The following SACS variants were observed in gnomAD, a reference collection of about 807,000 sequenced individuals.
SACS encodes sacsin molecular chaperone.
In SACS, 197 loss-of-function variants were observed where a neutral mutation model predicts 348.0. That is an observed-to-expected ratio of 0.57 (90% CI 0.50 to 0.64). SACS has a LOEUF of 0.64. Among genes scored for constraint, SACS ranks in the 30% least tolerant of loss-of-function variants. The pLI, the probability that SACS is intolerant of heterozygous loss-of-function variation, is 0.00. For missense variants in SACS, 4,999 were observed against 5,360.8 expected, an observed-to-expected ratio of 0.93 and a Z score of 2.11; for synonymous variants, 1,985 against 1,910.6, an observed-to-expected ratio of 1.04 and a Z score of -1.02.
intron 2 of SACS, among the ~76,000 whole-genome samples, chr13:23,396,260 G>C (rs973865056): frequency 6.6e-6 from 1 of 151,124 alleles, no homozygotes; most frequent in African/African-American, 2.4e-5. Context: ...GGAGGCAGAG[G>C]TTGCAGTGAG....
chr13:23,338,756 A>G lies in SACS; in HGVS notation c.5120T>C (p.Leu1707Ser). ...YLKIEETNPS[L>S]AQDTVIIKKK... Reference sequence around the variant, plus strand: ...TTTAATTATTACTGTATCTTGTGCTAAACTGGGGTTGGTTTCCTCAATTTT... The same window carrying G: ...TTTAATTATTACTGTATCTTGTGCTGAACTGGGGTTGGTTTCCTCAATTTT... The change falls in exon 10 of 10, where the codon TTA becomes TCA. Residue 1707 changes from leucine (L) to serine (S), a missense_variant. Around this residue, in one of 6 missense-constraint regions of SACS, gnomAD observed 3,156 missense variants for 3,380.1 expected, o/e 0.93. Transcript: ENST00000382292. 1.2e-6 allele frequency: 2 copies of G among 1,611,304 alleles called. No individual in the cohort carries two copies. The highest frequency in any genetic ancestry group is 1.7e-6 in the Non-Finnish European group (2 of 1,179,212).
intron 6 of SACS, among the ~76,000 whole-genome samples, chr13:23,362,040 T>A (rs776247857): frequency 6.6e-6 from 1 of 152,228 alleles, no homozygotes; most frequent in Non-Finnish European, 1.5e-5. Flanking sequence ...GGAAATAAGC[T>A]TGGAATTTAT....
At position 23,331,402 on chromosome 13, in the gene SACS, T is replaced by C. The variant is rs767116262; in HGVS notation, c.12474A>G (p.Thr4158=). 6 of 1,614,076 alleles carry C rather than the reference T, an allele frequency of 3.7e-6. No individual in the cohort carries two copies. The highest frequency in any genetic ancestry group is 1.1e-5 in the South Asian group (1 of 91,076). Residue 4158 remains threonine, a synonymous_variant, in exon 10 of 10, where the codon ACA becomes ACG. Coordinates refer to ENST00000382292, the MANE Select transcript of SACS (RefSeq NM_014363.6). ...TGTAATGAATTTCAGCAGGAATTGG[T>C]GTGCCAGGCATTGGAAGTTCCAGTT... is the stretch of plus-strand genomic sequence containing the variant. The part of the protein sequence containing the change: ...PSKLELPMPG[T]PIPAEIHYTL...
At chr13:23,353,406 A>G (rs753580654) in intron 9 of SACS, among the ~76,000 whole-genome samples, 56 of 152,220 alleles carry the variant, frequency 3.7e-4, no homozygotes, top group Non-Finnish European at 1.3e-4. Context: ...TCTTGATCTT[A>G]ACCTTTCTCT....
At chr13:23,407,835 G>C (rs9552953) in intron 2 of SACS, among the ~76,000 whole-genome samples, 2 of 151,920 alleles carry the variant, frequency 1.3e-5, no homozygotes, top group Non-Finnish European at 2.9e-5. Flanking sequence ...CCCTGACTCC[G>C]GCTATCTGAT....
Position 23,337,939 on chromosome 13 carries a change from G to A in SACS, c.5937C>T (p.Phe1979=), listed in dbSNP as rs780085618. The A allele has an allele frequency of 6.2e-7, 1 of 1,613,980 alleles. No homozygotes were observed. Among genetic ancestry groups the A allele is most frequent in the South Asian group, 1.1e-5 (1 of 91,072 alleles). Residue 1979 remains phenylalanine (F), a synonymous_variant, in exon 10 of 10, where the codon TTC becomes TTT. Transcript: ENST00000382292. The part of the protein sequence containing the change: ...HGKGKELTKV[F]SDGSTWVSMK... Reference sequence around the variant, plus strand: ...TGGAAACCCAAGTAGATCCATCAGAGAAGACTTTGGTCAGTTCTTTCCCTT... The same window carrying A: ...TGGAAACCCAAGTAGATCCATCAGAAAAGACTTTGGTCAGTTCTTTCCCTT...
chr13:23,354,731 C>A lies in SACS; in HGVS notation c.1881G>T (p.Thr627=). The A allele has an allele frequency of 6.2e-7, 1 of 1,613,492 alleles. No homozygotes were observed. Among genetic ancestry groups the A allele is most frequent in the Non-Finnish European group, 8.5e-7 (1 of 1,179,546 alleles). The change falls in exon 8 of 10, where the codon ACG becomes ACT. Residue 627 remains threonine (T), a synonymous_variant. Coordinates refer to ENST00000382292, the MANE Select transcript of SACS (RefSeq NM_014363.6). The part of the protein sequence containing the change: ...ASGTTPVRKV[T]PAWVRQVLRK... ...GCAGCACCTGCCGCACCCACGCGGG[C>A]GTCACCTTCCTCACAGGTGTTGTGC...
chr13:23,406,354 G>T (rs1427187897), intron 2 of SACS, among the ~76,000 whole-genome samples: 1 of 150,440 alleles, frequency 6.6e-6, no homozygotes, highest in Non-Finnish European at 1.5e-5. Context: ...ACGGTGGGGG[G>T]AAACACCACA....
chr13:23,414,181 G>T (rs1422706209), intron 1 of SACS, among the ~76,000 whole-genome samples: 1 of 152,214 alleles, frequency 6.6e-6, no homozygotes, highest in Non-Finnish European at 1.5e-5. Context: ...GCGGGCACCT[G>T]TAGTCCCAGC....
chr13:23,369,675 G>C (rs1871266805), intron 4 of SACS, among the ~76,000 whole-genome samples: 1 of 151,892 alleles, frequency 6.6e-6, no homozygotes, highest in Admixed American at 6.6e-5. Flanking sequence ...CTCCTGAGTA[G>C]CTGGGACTAC....
intron 2 of SACS, among the ~76,000 whole-genome samples, chr13:23,403,037 G>C (rs1337127153): frequency 6.6e-6 from 1 of 152,082 alleles, no homozygotes; most frequent in Non-Finnish European, 1.5e-5. Flanking sequence ...AATTAGCTGG[G>C]CGTGGTGGCA....
chr13:23,429,456 G>A (rs938875882), intron 1 of SACS, among the ~76,000 whole-genome samples: 3 of 139,076 alleles, frequency 2.2e-5, no homozygotes, highest in East Asian at 2.3e-4. Context: ...TCCGCCTCCC[G>A]GGTTCACGCC....
chr13:23,417,563 G>A (rs1873735522), intron 1 of SACS, among the ~76,000 whole-genome samples: 1 of 152,064 alleles, frequency 6.6e-6, no homozygotes, highest in Non-Finnish European at 1.5e-5. Flanking sequence ...TGGGGCAAGT[G>A]GTTAACTATA....
At chr13:23,362,170 C>CA (rs1157251677) in intron 6 of SACS, among the ~76,000 whole-genome samples, 1 of 152,168 alleles carries the variant, frequency 6.6e-6, no homozygotes, top group Admixed American at 6.5e-5. Flanking sequence ...CTGTGTGCAT[C>CA]ACTCAGAAAC....
chr13:23,390,928 C>G (rs1034043628), intron 2 of SACS, among the ~76,000 whole-genome samples: 3 of 152,210 alleles, frequency 2.0e-5, no homozygotes, highest in Non-Finnish European at 2.9e-5. Context: ...TTCTCCAGCC[C>G]AAACCTGCCC....
rs1210085295 is a variant in SACS at position 23,329,393 on chromosome 13, G to A, written c.*743C>T. The A allele has an allele frequency of 1.3e-6, 1 of 751,114 alleles. No homozygotes were observed. The highest frequency in any genetic ancestry group is 1.7e-5 in the African/African-American group (1 of 57,732). 46.5% of individuals were successfully genotyped at this position (751,114 alleles called of 1,614,324 possible). On this transcript the variant is annotated 3_prime_UTR_variant, in exon 10 of 10. Coordinates refer to ENST00000382292, the MANE Select transcript of SACS (RefSeq NM_014363.6). ...TCTAACAGTTAATAAATGTTGTCTTGGCAAGCAGTTTCCAGAAACAATACT... is the reference window on the plus strand; with the variant it reads ...TCTAACAGTTAATAAATGTTGTCTTAGCAAGCAGTTTCCAGAAACAATACT...
chr13:23,342,530 T>C (rs1251606247), intron 9 of SACS, among the ~76,000 whole-genome samples: 1 of 152,226 alleles, frequency 6.6e-6, no homozygotes, highest in Non-Finnish European at 1.5e-5. Context: ...TACTTACCAG[T>C]TGAGCATTCC....
At chr13:23,348,541 TA>T (rs1869757391) in intron 9 of SACS, among the ~76,000 whole-genome samples, 2 of 152,214 alleles carry the variant, frequency 1.3e-5, no homozygotes, top group African/African-American at 4.8e-5. Flanking sequence ...TGTTGCAGTG[TA>T]GCACAGTAAA....
chr13:23,344,533 A>T (rs1045193996), intron 9 of SACS, among the ~76,000 whole-genome samples: 2 of 152,244 alleles, frequency 1.3e-5, no homozygotes, highest in Non-Finnish European at 2.9e-5. Flanking sequence ...TGAGGTCCTG[A>T]ATTCTATCCA....
Sources: allele counts gnomAD v4.1 joint callset (sites outside exome capture counted in the v4.1 genomes callset), GRCh38; gene constraint gnomAD v4.1.1; regional missense constraint gnomAD v4.1.1; transcripts MANE v1.5; gene names NCBI Gene and HGNC (gene_info 2026-07-23, HGNC 2026-07-21).